Variants in PDE12 observed in about 807,000 individuals in gnomAD.
PDE12 encodes 2',5'-phosphodiesterase 12.
A neutral mutation model predicts 45.4 loss-of-function variants in PDE12; 26 were observed. That is an observed-to-expected ratio of 0.57 (90% confidence interval 0.42 to 0.79). The LOEUF (loss-of-function observed/expected upper bound fraction) is 0.79, where lower values mean the gene tolerates loss of function less well. Among genes scored for constraint, PDE12 ranks in the 30% least tolerant of loss-of-function variants. The pLI is 0.00. For synonymous variants in PDE12, 283 were observed against 323.9 expected, an observed-to-expected ratio of 0.87 and a Z score of 1.36; for missense variants, 668 against 790.0, an observed-to-expected ratio of 0.85 and a Z score of 1.85.
At chr3:57,646,306 A>C in the PDE12 span, 96 of 1,601,414 alleles carry the variant, frequency 6.0e-5, no homozygotes, top group Middle Eastern at 3.4e-4. Flanking sequence ...TAGTAACCAA[A>C]TAGACTCACT....
At chr3:57,559,500 T>C (rs983566728) in intron 2 of PDE12, 62 bp from the exon 3 acceptor site, 58 of 1,559,868 alleles carry the variant, frequency 3.7e-5, no homozygotes, top group Non-Finnish European at 5.0e-5. Flanking sequence ...TGTGTAGTTT[T>C]TCTTTTTTAA....
At chr3:57,581,182 T>C in the PDE12 span, among the ~76,000 whole-genome samples, 1 of 152,204 alleles carries the variant, frequency 6.6e-6, no homozygotes, top group Admixed American at 6.5e-5. Flanking sequence ...GTTAGAAACA[T>C]GGTTAAAGCT....
chr3:57,632,146 A>G, the PDE12 span, among the ~76,000 whole-genome samples: 1 of 149,260 alleles, frequency 6.7e-6, no homozygotes, highest in African/African-American at 2.5e-5. Flanking sequence ...CAGCCTCTAG[A>G]GCAGCTGGGA....
At chr3:57,644,746 GT>G in the PDE12 span, among the ~76,000 whole-genome samples, 1 of 7,248 alleles carries the variant, frequency 1.4e-4, no homozygotes. Context: ...GAGGGGAGGG[GT>G]GGGGAGGGGA....
the PDE12 span, among the ~76,000 whole-genome samples, chr3:57,606,992 C>A: frequency 6.6e-6 from 1 of 152,154 alleles, no homozygotes. Flanking sequence ...TCGGAGGCAT[C>A]CCCCAGTAGG....
At chr3:57,567,300 C>T (rs536080172), downstream of PDE12, among the ~76,000 whole-genome samples, 33 of 148,702 alleles carry the variant, frequency 2.2e-4, no homozygotes, top group Middle Eastern at 3.5e-3. Context: ...TGACAGAGCA[C>T]GACTCCGTGT....
At chr3:57,584,538 T>G in the PDE12 span, 1 of 1,340,812 alleles carries the variant, frequency 7.5e-7, no homozygotes, top group Non-Finnish European at 1.1e-6. Context: ...AATAAATTTA[T>G]AGTTCAAAAC....
chr3:57,584,404 A>G, the PDE12 span: 1 of 1,612,836 alleles, frequency 6.2e-7, no homozygotes. Context: ...AATGGTGGTG[A>G]CTATCTCCCC....
At chr3:57,613,695 T>C in the PDE12 span, among the ~76,000 whole-genome samples, 3 of 151,640 alleles carry the variant, frequency 2.0e-5, no homozygotes, top group Non-Finnish European at 2.9e-5. Context: ...GGTCAGGAGA[T>C]TGAGACCATC....
the PDE12 span, among the ~76,000 whole-genome samples, chr3:57,607,447 T>C: frequency 6.6e-6 from 1 of 152,170 alleles, no homozygotes; most frequent in Admixed American, 6.6e-5. Context: ...TTCTCCAAGC[T>C]AAAGGAGGAA....
rs572614602 is a variant in PDE12, at chr3:57,561,004, G to T, written c.*1000G>T. ...TTTCATTCTTATTTTTAGGATTTTA[G>T]TTTTTAGTGTATGGTACAAATGAAC... On this transcript the variant is annotated 3_prime_UTR_variant, in exon 3 of 3. Transcript: ENST00000311180. 1.9e-4 allele frequency: 185 copies of T among 976,708 alleles called. 2 individuals are homozygous for T. In the South Asian group the frequency reaches 7.9e-3, roughly 42 times the overall value. The allele number at this position is 976,708 out of a possible 1,614,324, so 60.5% of individuals were successfully genotyped here.
chr3:57,588,769 C>A, the PDE12 span, among the ~76,000 whole-genome samples: 2 of 144,472 alleles, frequency 1.4e-5, no homozygotes, highest in Non-Finnish European at 3.0e-5. Flanking sequence ...CCAGCCTGGA[C>A]AACATGGCAA....
At chr3:57,585,665 C>CTTT in the PDE12 span, among the ~76,000 whole-genome samples, 738 of 137,056 alleles carry the variant, frequency 5.4e-3, 30 homozygotes, top group South Asian at 0.012. Context: ...TATCTAAATT[C>CTTT]TTTTTTTTTT....
chr3:57,601,925 T>G, the PDE12 span, among the ~76,000 whole-genome samples: 15 of 151,304 alleles, frequency 9.9e-5, no homozygotes, highest in Non-Finnish European at 1.8e-4. Context: ...TTTTTTTTTT[T>G]TGTATTTTTA....
chr3:57,640,312 G>A, the PDE12 span, among the ~76,000 whole-genome samples: 1 of 150,860 alleles, frequency 6.6e-6, no homozygotes, highest in African/African-American at 2.4e-5. Context: ...AAAGGTAGTG[G>A]CAGGGAGTGG....
At chr3:57,649,460 A>T in the PDE12 span, among the ~76,000 whole-genome samples, 1 of 151,924 alleles carries the variant, frequency 6.6e-6, no homozygotes, top group Admixed American at 6.6e-5. Flanking sequence ...TCCTTAAAGA[A>T]CTAAAAGTAG....
At chr3:57,626,130 A>C in the PDE12 span, 1 of 152,592 alleles carries the variant, frequency 6.6e-6, no homozygotes, top group South Asian at 2.1e-4. Context: ...ATATGATCCA[A>C]GGCAAACGAT....
rs933866351 is a variant in PDE12 at position 57,561,612 on chromosome 3, T to G, written c.*1608T>G. ...TTGCTTTTTTGATGTTCAGGATAAC[T>G]ATGTTATCTCATTTCTGCATTTAAT... is the stretch of plus-strand genomic sequence containing the variant. On this transcript the variant is annotated 3_prime_UTR_variant, in exon 3 of 3. Coordinates refer to ENST00000311180, the MANE Select transcript of PDE12 (RefSeq NM_177966.7). The G allele has an allele frequency of 8.1e-6, 8 of 985,100 alleles. No individual in the cohort carries two copies. Among genetic ancestry groups the G allele is most frequent in the Middle Eastern group, 5.2e-4 (1 of 1,936 alleles). 61.0% of individuals were successfully genotyped at this position (985,100 alleles called of 1,614,324 possible). A position where few individuals can be genotyped will look rare whatever the true frequency, so the allele number is the denominator to read the frequency against.
At chr3:57,591,433 C>G in the PDE12 span, among the ~76,000 whole-genome samples, 634 of 150,918 alleles carry the variant, frequency 4.2e-3, 5 homozygotes, top group African/African-American at 0.015. Flanking sequence ...CTAATATACG[C>G]TATAATATGA....
Sources: gnomAD v4.1 joint callset for allele counts (sites outside exome capture counted in the v4.1 genomes callset) on GRCh38, gnomAD v4.1.1 for gene constraint, MANE v1.5 for transcripts, NCBI Gene and HGNC (gene_info 2026-07-23, HGNC 2026-07-21) for gene names.